The following MAP3K3 variants were observed in gnomAD, a reference collection of about 807,000 sequenced individuals.
MAP3K3 encodes the protein MAP/ERK kinase kinase 3.
MAP3K3 carries 12 observed loss-of-function variants against 80.9 expected under a neutral mutation model. The ratio of observed to expected loss-of-function variants is 0.15; its 90% CI spans 0.10 to 0.24. MAP3K3 has a LOEUF of 0.24. Ranked by LOEUF, MAP3K3 falls within the 10% of genes least tolerant of loss-of-function variation. The probability of loss-of-function intolerance (pLI) is 1.00; values close to 1 mark genes in which losing one functional copy is unlikely to be tolerated. For synonymous variants in MAP3K3, 272 were observed against 307.1 expected (o/e 0.89, Z 1.19); for missense variants, 596 against 834.7 (o/e 0.71, Z 3.52).
rs773787302 is a variant in MAP3K3 at position 63,655,032 on chromosome 17, C to T, written c.267+2376C>T. ...AGAGTTGAGACTCTGTCTCAAAAAA[C>T]GATTAAAAAAAATTATTTTATTTTA... On this transcript the variant is annotated intron_variant, in intron 4 of 15. Coordinates refer to ENST00000361733, the MANE Select transcript of MAP3K3 (RefSeq NM_002401.5). Among the ~76,000 whole-genome samples the T allele has an allele frequency of 1.8e-4, 27 of 151,328 alleles. 1 individual carries two copies. The highest frequency in any genetic ancestry group is 2.7e-4 in the African/African-American group (11 of 41,128).
At chr17:63,625,313 GC>G (rs1181565639) in intron 1 of MAP3K3, among the ~76,000 whole-genome samples, 2 of 151,846 alleles carry the variant, frequency 1.3e-5, no homozygotes. Flanking sequence ...ATACTATGTG[GC>G]TATAAAAAAT....
rs1420360709 is a variant in MAP3K3 at position 63,690,478 on chromosome 17, A to G, written c.1212+66A>G. ...AACAAAAATGCCTGTCTTACCACAC[A>G]GAGTAGTTGCCTGAGATGCTGTAGG... is the stretch of plus-strand genomic sequence containing the variant. On this transcript the variant is annotated intron_variant, in intron 12 of 15. Coordinates refer to ENST00000361733, the MANE Select transcript of MAP3K3 (RefSeq NM_002401.5). The G allele has an allele frequency of 1.7e-5, 27 of 1,546,110 alleles. No homozygotes were observed. In the Middle Eastern group the frequency reaches 6.8e-4, roughly 39 times the overall value.
chr17:63,669,672 A>C (rs9908044), intron 6 of MAP3K3, among the ~76,000 whole-genome samples: 57,612 of 152,012 alleles, frequency 0.38, 14,273 homozygotes, highest in African/African-American at 0.71. Context: ...CCAGGCTGGT[A>C]TGACTCCTGA....
intron 5 of MAP3K3, among the ~76,000 whole-genome samples, chr17:63,660,605 T>A (rs939910916): frequency 1.8e-4 from 27 of 151,674 alleles, no homozygotes; most frequent in African/African-American, 5.8e-4. Flanking sequence ...TTTTTTTTTT[T>A]ATTTGAGATG....
chr17:63,638,953 G>A (rs2034388303), intron 2 of MAP3K3, among the ~76,000 whole-genome samples: 1 of 152,100 alleles, frequency 6.6e-6, no homozygotes, highest in Non-Finnish European at 1.5e-5. Context: ...TTGTACTTGG[G>A]AGGCGGAGGT....
intron 3 of MAP3K3, among the ~76,000 whole-genome samples, chr17:63,646,934 C>A (rs570553676): frequency 6.6e-6 from 1 of 152,264 alleles, no homozygotes; most frequent in East Asian, 1.9e-4. Flanking sequence ...ATACTACCCC[C>A]TGCCACCCTC....
intron 2 of MAP3K3, among the ~76,000 whole-genome samples, chr17:63,641,379 A>G (rs2034438994): frequency 6.6e-6 from 1 of 151,632 alleles, no homozygotes; most frequent in African/African-American, 2.4e-5. Flanking sequence ...AATAGCTGGG[A>G]TTACAGGTGC....
In MAP3K3 at chr17:63,688,576, A is replaced by G. The variant is rs1195146315; in HGVS notation, c.760A>G (p.Asn254Asp). The change falls in exon 9 of 16, where the codon AAC (asparagine) becomes GAC (aspartate). Residue 254 changes from asparagine (N) to aspartate (D), a missense_variant. Coordinates refer to ENST00000361733, the MANE Select transcript of MAP3K3 (RefSeq NM_002401.5). ...RMSRAQSFPD[N>D]RQEYSDRETQ... The stretch of plus-strand genomic sequence containing the variant: ...GTCCCGTGCCCAGAGCTTCCCTGAC[A>G]ACAGACAGGAATACTCAGGTGAGTT... The G allele has an allele frequency of 5.0e-6, 8 of 1,614,046 alleles. No homozygotes were observed. Among genetic ancestry groups the G allele is most frequent in the Non-Finnish European group, 6.8e-6 (8 of 1,179,974 alleles).
intron 9 of MAP3K3, 60 bp downstream of exon 9, chr17:63,688,654 T>C: frequency 1.3e-6 from 2 of 1,536,582 alleles, no homozygotes; most frequent in Non-Finnish European, 1.8e-6. Flanking sequence ...CTCAGGTGGC[T>C]CTGCTTCGAC....
At chr17:63,669,658 T>C (rs1200947359) in intron 6 of MAP3K3, among the ~76,000 whole-genome samples, 1 of 152,156 alleles carries the variant, frequency 6.6e-6, no homozygotes, top group African/African-American at 2.4e-5. Flanking sequence ...TTTCGCCATG[T>C]TGGCCAGGCT....
At chr17:63,637,210 AAG>A (rs1367493092) in intron 2 of MAP3K3, 2 of 242,714 alleles carry the variant, frequency 8.2e-6, no homozygotes, top group Non-Finnish European at 1.6e-5. Context: ...AAAAAAAAAA[AAG>A]AGTACTGGCC....
At chr17:63,649,174 C>T (rs956501820) in intron 3 of MAP3K3, among the ~76,000 whole-genome samples, 1 of 152,082 alleles carries the variant, frequency 6.6e-6, no homozygotes, top group Non-Finnish European at 1.5e-5. Context: ...CAGAGGCTCA[C>T]GCCTGTAATC....
Position 63,692,248 on chromosome 17 carries a change from A to G in MAP3K3, c.1481A>G (p.Asn494Ser). ...CTGCCCTTTCATGCCTCAGGAGCCA[A>G]CATCCTCCGAGACTCTGCTGGGAAT... ...MIVHRDIKGA[N>S]ILRDSAGNVK... Residue 494 changes from asparagine to serine, a missense_variant, in exon 15 of 16, where the codon AAC becomes AGC. This residue lies in a region of MAP3K3 where 364 missense variants were observed against 588.9 expected (regional missense o/e 0.62). Coordinates refer to ENST00000361733, the MANE Select transcript of MAP3K3 (RefSeq NM_002401.5). This position sits in a 1 kb window ranked among gnomAD's most constrained non-coding sequence, Gnocchi z 4.5. 6.2e-7 allele frequency: 1 copy of G among 1,613,870 alleles called. No homozygotes were observed. Among genetic ancestry groups the G allele is most frequent in the South Asian group, 1.1e-5 (1 of 91,076 alleles).
Position 63,693,427 on chromosome 17 carries a change from T to G in MAP3K3, c.1653-122T>G. The stretch of plus-strand genomic sequence containing the variant: ...ACAGACATCCAAGCTGAGGTATCCC[T>G]CAGCTTGGCCTGTCCTGCACCTCAG... On this transcript the variant is annotated intron_variant, in intron 15 of 15. Coordinates refer to ENST00000361733, the MANE Select transcript of MAP3K3 (RefSeq NM_002401.5). This position sits in a 1 kb window ranked among gnomAD's most constrained non-coding sequence, Gnocchi z 4.2. The G allele has an allele frequency of 1.3e-6, 1 of 772,486 alleles. No homozygotes were observed. The highest frequency in any genetic ancestry group is 2.1e-6 in the Non-Finnish European group (1 of 475,876). The allele number at this position is 772,486 out of a possible 1,614,324, so 47.9% of individuals were successfully genotyped here.
intron 2 of MAP3K3, among the ~76,000 whole-genome samples, chr17:63,640,142 T>C (rs573322219): frequency 1.1e-4 from 17 of 152,144 alleles, no homozygotes; most frequent in Admixed American, 3.3e-4. Flanking sequence ...GAGCCAGGCA[T>C]GGTGACATGC....
chr17:63,662,443 C>T (rs1286878443), intron 5 of MAP3K3, among the ~76,000 whole-genome samples: 1 of 151,716 alleles, frequency 6.6e-6, no homozygotes, highest in Non-Finnish European at 1.5e-5. Flanking sequence ...CAACACCTAG[C>T]ACATAAAAAG....
chr17:63,628,171 G>T (rs1245992722), intron 1 of MAP3K3, among the ~76,000 whole-genome samples: 1 of 152,066 alleles, frequency 6.6e-6, no homozygotes, highest in South Asian at 2.1e-4. Context: ...CTCCCAAAGT[G>T]CTGAGATTAC....
At chr17:63,670,262 A>G (rs1441305180) in intron 6 of MAP3K3, among the ~76,000 whole-genome samples, 1 of 151,914 alleles carries the variant, frequency 6.6e-6, no homozygotes, top group Admixed American at 6.6e-5. Context: ...TGTGACTGAA[A>G]GGTGTGTGGT....
intron 8 of MAP3K3, among the ~76,000 whole-genome samples, chr17:63,687,940 A>T (rs953493882): frequency 3.3e-5 from 5 of 152,188 alleles, no homozygotes; most frequent in Admixed American, 1.3e-4. Flanking sequence ...TCTCAAAAAA[A>T]AAAAAAGTCT....
Sources: allele counts gnomAD v4.1 joint callset (sites outside exome capture counted in the v4.1 genomes callset), GRCh38; gene constraint gnomAD v4.1.1; regional missense constraint gnomAD v4.1.1; non-coding constraint Gnocchi (gnomAD v3.1); transcripts MANE v1.5; gene names NCBI Gene and HGNC (gene_info 2026-07-23, HGNC 2026-07-21).